The following LTBP1 variants were observed in gnomAD, a reference collection of about 807,000 sequenced individuals.
LTBP1 encodes the protein latent transforming growth factor beta binding protein 1.
Under a neutral mutation model 207.6 loss-of-function variants are expected in LTBP1, and 129 were observed. The ratio of observed to expected loss-of-function variants is 0.62; its 90% confidence interval spans 0.54 to 0.72. The LOEUF is 0.72. Among genes scored for constraint, LTBP1 ranks in the 30% least tolerant of loss-of-function variants. LTBP1 has a pLI of 0.00. For synonymous variants in LTBP1, 963 were observed against 833.7 expected, an observed-to-expected ratio of 1.16 and a Z score of -2.67; for missense variants, 2,281 against 2,217.2, an observed-to-expected ratio of 1.03 and a Z score of -0.58.
chr2:32,959,084 T>C (rs891334361), intron 2 of LTBP1, among the ~76,000 whole-genome samples: 3 of 152,230 alleles, frequency 2.0e-5, no homozygotes, highest in African/African-American at 7.2e-5. Context: ...ATTGTTGGCA[T>C]GGACATAAGT....
At position 33,257,499 on chromosome 2, in the gene LTBP1, G is replaced by C; in HGVS notation, c.2383G>C (p.Ala795Pro). Residue 795 changes from alanine (A) to proline (P), a missense_variant, in exon 12 of 34, where the codon GCG (alanine) becomes CCG (proline). Physicochemically the swap from Ala to Pro is conservative, Grantham distance 27. Transcript: ENST00000404816. ...TFSREHGPGV[A>P]EPEVATAPPE... The stretch of plus-strand genomic sequence containing the variant: ...CTCCCGGGAACACGGGCCAGGAGTG[G>C]CGGAGCCAGAAGGTGAGAGCGGTAA... 1 of 1,614,050 alleles carries C rather than the reference G, an allele frequency of 6.2e-7. No homozygotes were observed. The highest frequency in any genetic ancestry group is 8.5e-7 in the Non-Finnish European group (1 of 1,179,910).
chr2:33,050,048 T>TGCCTAGGTTGGTC (rs889938208), intron 3 of LTBP1, among the ~76,000 whole-genome samples: 25 of 152,178 alleles, frequency 1.6e-4, no homozygotes, highest in African/African-American at 5.8e-4. Context: ...CTTGCTTTGT[T>TGCCTAGGTTGGTC]GCCTAGGTTG....
chr2:33,246,959 C>A (rs1411151018), intron 10 of LTBP1, among the ~76,000 whole-genome samples: 11 of 152,150 alleles, frequency 7.2e-5, no homozygotes, highest in Admixed American at 7.2e-4. Context: ...GAGGACTTTT[C>A]AGAGCAAATT....
At chr2:33,139,153 C>T (rs899623003) in intron 5 of LTBP1, among the ~76,000 whole-genome samples, 2 of 152,104 alleles carry the variant, frequency 1.3e-5, no homozygotes, top group Non-Finnish European at 2.9e-5. Context: ...CCACCGCGCC[C>T]GGCTAAAAAG....
chr2:32,953,958 A>G (rs773588580), intron 2 of LTBP1, among the ~76,000 whole-genome samples: 1 of 152,200 alleles, frequency 6.6e-6, no homozygotes, highest in Non-Finnish European at 1.5e-5. Flanking sequence ...CAGGTCCAGC[A>G]GAGAGGAGCT....
chr2:33,211,491 G>A (rs943311971), intron 7 of LTBP1, among the ~76,000 whole-genome samples: 1 of 152,112 alleles, frequency 6.6e-6, no homozygotes, highest in Admixed American at 6.5e-5. Flanking sequence ...TTTGGGGTTG[G>A]GATTACTGGC....
At chr2:33,036,263 A>G (rs1182041567) in intron 3 of LTBP1, among the ~76,000 whole-genome samples, 1 of 152,134 alleles carries the variant, frequency 6.6e-6, no homozygotes, top group Non-Finnish European at 1.5e-5. Flanking sequence ...GGTGGCTGAC[A>G]AACTCGCAGG....
intron 9 of LTBP1, among the ~76,000 whole-genome samples, chr2:33,233,921 C>T (rs745385110): frequency 2.6e-5 from 4 of 151,802 alleles, no homozygotes; most frequent in Non-Finnish European, 5.9e-5. Flanking sequence ...GTGTTAAGTA[C>T]ATTGGAGACA....
intron 3 of LTBP1, among the ~76,000 whole-genome samples, chr2:33,053,252 C>G (rs181387374): frequency 1.3e-5 from 2 of 152,166 alleles, no homozygotes; most frequent in African/African-American, 2.4e-5. Context: ...TATACCCTGG[C>G]CCCTGCAACC....
At chr2:33,308,044 A>G (rs2094125857) in intron 22 of LTBP1, among the ~76,000 whole-genome samples, 1 of 152,232 alleles carries the variant, frequency 6.6e-6, no homozygotes, top group Non-Finnish European at 1.5e-5. Context: ...AGCAATTACA[A>G]TTATTTGCAA....
intron 20 of LTBP1, among the ~76,000 whole-genome samples, chr2:33,298,999 G>C (rs1001210945): frequency 2.0e-5 from 3 of 152,146 alleles, no homozygotes; most frequent in Non-Finnish European, 2.9e-5. Context: ...TTTGCGGCTA[G>C]GTGTGGTGGC....
intron 2 of LTBP1, among the ~76,000 whole-genome samples, chr2:32,962,956 A>C (rs150691): frequency 2.0e-5 from 3 of 152,068 alleles, no homozygotes; most frequent in Admixed American, 6.5e-5. Context: ...AGCAGAACCC[A>C]TCTCCTCCTC....
chr2:33,120,266 G>T (rs1412272349), intron 4 of LTBP1, among the ~76,000 whole-genome samples: 1 of 150,796 alleles, frequency 6.6e-6, no homozygotes, highest in Non-Finnish European at 1.5e-5. Flanking sequence ...GGGTTTCGTT[G>T]TACAGATTAT....
chr2:33,123,531 A>G lies in LTBP1; in HGVS notation c.1034-11262A>G, dbSNP rs115645732. Among the ~76,000 whole-genome samples, 388 of 152,324 alleles carry G rather than the reference A, an allele frequency of 2.5e-3. 2 individuals carry two copies. Among genetic ancestry groups the G allele is most frequent in the Middle Eastern group, 0.017 (5 of 294 alleles). Reference sequence around the variant, plus strand: ...TCTTTGAAAGGGTTTTTCAAAGACTATTAATGGAGAAAGTGATTCATGGTG... The same window carrying G: ...TCTTTGAAAGGGTTTTTCAAAGACTGTTAATGGAGAAAGTGATTCATGGTG... On this transcript the variant is annotated intron_variant, in intron 4 of 33. Transcript: ENST00000404816.
chr2:33,027,290 A>G (rs1259952545), intron 3 of LTBP1, among the ~76,000 whole-genome samples: 1 of 152,252 alleles, frequency 6.6e-6, no homozygotes, highest in African/African-American at 2.4e-5. Context: ...TACACATTGT[A>G]AAACGATTAC....
intron 2 of LTBP1, among the ~76,000 whole-genome samples, chr2:32,968,270 A>G (rs116440290): frequency 4.6e-4 from 70 of 152,264 alleles, no homozygotes; most frequent in African/African-American, 1.6e-3. Context: ...CTGATTATCT[A>G]TCGGTTTTTG....
At position 33,064,992 on chromosome 2, in the gene LTBP1, TGAAA is replaced by T. The variant is rs568783132; in HGVS notation, c.863+43788_863+43791del. Among the ~76,000 whole-genome samples, 493 of 152,222 alleles carry T rather than the reference TGAAA, an allele frequency of 3.2e-3. 1 individual carries two copies. The highest frequency in any genetic ancestry group is 5.7e-3 in the Non-Finnish European group (391 of 68,014). On this transcript the variant is annotated intron_variant, in intron 3 of 33. Coordinates refer to ENST00000404816, the MANE Select transcript of LTBP1 (RefSeq NM_206943.4). ...TTGCCTTTTGTTCTAGGTTTTAGGG[TGAAA>T]GTATGTTATTTTACCAATCAGTATA... is the stretch of plus-strand genomic sequence containing the variant.
chr2:33,138,331 G>A (rs1280995860), intron 5 of LTBP1, among the ~76,000 whole-genome samples: 1 of 152,184 alleles, frequency 6.6e-6, no homozygotes, highest in Non-Finnish European at 1.5e-5. Flanking sequence ...GTATCCAAAG[G>A]AAGCACTCTG....
intron 25 of LTBP1, among the ~76,000 whole-genome samples, chr2:33,344,675 A>T (rs967965844): frequency 2.8e-4 from 43 of 152,300 alleles, no homozygotes; most frequent in African/African-American, 1.0e-3. Context: ...TATAGCACTT[A>T]CAACCTTTGG....
Sources: gnomAD v4.1 joint callset for allele counts (sites outside exome capture counted in the v4.1 genomes callset) on GRCh38, gnomAD v4.1.1 for gene constraint, MANE v1.5 for transcripts, NCBI Gene and HGNC (gene_info 2026-07-23, HGNC 2026-07-21) for gene names.